Variants in ASDURF observed in about 807,000 individuals in gnomAD.
ASDURF encodes ASNSD1 upstream open reading frame.
In ASDURF, 3 loss-of-function variants were observed where a neutral mutation model predicts 3.3. The ratio of observed to expected loss-of-function variants is 0.92; its 90% CI spans 0.42 to 2.37. The LOEUF is 2.37. Ranked by LOEUF, ASDURF falls within the 30% of genes most tolerant of loss-of-function variation. The pLI, the probability that ASDURF is intolerant of heterozygous loss-of-function variation, is 0.05. For missense variants in ASDURF, 23 were observed against 25.4 expected (o/e 0.90, Z 0.21); for synonymous variants, 11 against 8.3 (o/e 1.32, Z -0.55).
intron 2 of ASDURF, among the ~76,000 whole-genome samples, chr2:189,664,579 A>T: frequency 6.6e-6 from 1 of 152,186 alleles, no homozygotes; most frequent in East Asian, 1.9e-4. Context: ...TCACTTATGG[A>T]ATATTAGAAG....
intron 1 of ASDURF, 107 bp from the exon 2 acceptor site, chr2:189,663,794 T>A: frequency 8.7e-6 from 3 of 346,240 alleles, no homozygotes; most frequent in Non-Finnish European, 1.6e-5. Context: ...AACCAGTACA[T>A]CATAGCCCCT....
intron 3 of ASDURF, among the ~76,000 whole-genome samples, 165 bp downstream of exon 3, chr2:189,665,616 A>ATATATATATG (rs2032778586): frequency 9.3e-6 from 1 of 107,000 alleles, no homozygotes; most frequent in South Asian, 2.8e-4. Context: ...ATATATATAT[A>ATATATATATG]TATATATATA....
chr2:189,665,238 T>C (rs886505286), intron 2 of ASDURF, 138 bp from the exon 3 acceptor site: 1 of 368,876 alleles, frequency 2.7e-6, no homozygotes, highest in Non-Finnish European at 4.8e-6. Flanking sequence ...GTGACTTTTA[T>C]TTGTCTTTTT....
intron 1 of ASDURF, among the ~76,000 whole-genome samples, chr2:189,663,411 G>A (rs1056850782): frequency 4.0e-5 from 6 of 151,752 alleles, no homozygotes; most frequent in South Asian, 2.1e-4. Context: ...GTGCCACTAC[G>A]CTTGGCTAAT....
At chr2:189,662,678 A>C (rs1208857577) in intron 1 of ASDURF, among the ~76,000 whole-genome samples, 3 of 152,178 alleles carry the variant, frequency 2.0e-5, no homozygotes, top group Non-Finnish European at 4.4e-5. Flanking sequence ...CACAAATATG[A>C]TAAAAGCTGC....
In ASDURF at chr2:189,664,778, A is replaced by C. The variant is rs148960059; in HGVS notation, c.145-598A>C. Reference sequence around the variant, plus strand: ...AAAAAAAAGAAGTTGAGGCAGAATTAATACAGACTTTCTCTAGAGGGCAAA... The same window carrying C: ...AAAAAAAAGAAGTTGAGGCAGAATTCATACAGACTTTCTCTAGAGGGCAAA... On this transcript the variant is annotated intron_variant, in intron 2 of 3. Transcript: ENST00000607829. Among the ~76,000 whole-genome samples, 7 of 151,982 alleles carry C rather than the reference A, an allele frequency of 4.6e-5. No individual in the cohort carries two copies. In the East Asian group the frequency reaches 1.4e-3, roughly 29 times the overall value.
At chr2:189,662,617 G>A (rs2032693263) in intron 1 of ASDURF, among the ~76,000 whole-genome samples, 1 of 152,164 alleles carries the variant, frequency 6.6e-6, no homozygotes, top group Admixed American at 6.5e-5. Context: ...ACCATAGCAA[G>A]CCACTTACGC....
chr2:189,666,146 G>T lies in ASDURF; in HGVS notation c.*35G>T, dbSNP rs546441433. ...TTTCACATAACAATGTGTGGCATTTGTTGTTCTGTAAACTTTTCTGCTGAG... is the reference window on the plus strand; with the variant it reads ...TTTCACATAACAATGTGTGGCATTTTTTGTTCTGTAAACTTTTCTGCTGAG... On this transcript the variant is annotated 3_prime_UTR_variant, in exon 4 of 4. Transcript: ENST00000607829. 1 of 1,570,110 alleles carries T rather than the reference G, an allele frequency of 6.4e-7. No homozygotes were observed. The highest frequency in any genetic ancestry group is 1.2e-5 in the South Asian group (1 of 83,210).
At chr2:189,665,632 A>ATGTATATATG (rs1232367448) in intron 3 of ASDURF, among the ~76,000 whole-genome samples, 181 bp downstream of exon 3, 1 of 90,010 alleles carries the variant, frequency 1.1e-5, no homozygotes, top group African/African-American at 3.9e-5. Context: ...ATATATATAT[A>ATGTATATATG]TATATATATA....
chr2:189,664,770 G>A (rs1016181937), intron 2 of ASDURF, among the ~76,000 whole-genome samples: 13 of 151,956 alleles, frequency 8.6e-5, no homozygotes, highest in African/African-American at 2.9e-4. Flanking sequence ...AGAAGTTGAG[G>A]CAGAATTAAT....
chr2:189,663,852 G>T, intron 1 of ASDURF, 49 bp from the exon 2 acceptor site: 2 of 377,338 alleles, frequency 5.3e-6, no homozygotes, highest in East Asian at 3.7e-5. Context: ...TTTTCATTGA[G>T]CATACTTTGA....
intron 3 of ASDURF, among the ~76,000 whole-genome samples, 173 bp downstream of exon 3, chr2:189,665,624 A>ATATATATG (rs2032780429): frequency 8.2e-6 from 1 of 121,780 alleles, no homozygotes; most frequent in African/African-American, 3.3e-5. Flanking sequence ...ATATATATAT[A>ATATATATG]TATATATATA....
Position 189,661,523 on chromosome 2 carries a change from G to GTC in ASDURF, c.3_4insTC (p.Pro2SerfsTer14). The GTC allele has an allele frequency of 1.3e-5, 5 of 399,252 alleles. No homozygotes were observed. The highest frequency in any genetic ancestry group is 2.2e-5 in the Non-Finnish European group (5 of 226,222). 24.7% of individuals were successfully genotyped at this position (399,252 alleles called of 1,614,324 possible). A position where few individuals can be genotyped will look rare whatever the true frequency, so the allele number is the denominator to read the frequency against. On this transcript the variant is annotated frameshift_variant, in exon 1 of 4. Coordinates refer to ENST00000607829, the MANE Select transcript of ASDURF (RefSeq NM_001353493.2). LOFTEE classifies it high-confidence loss of function. ...CGCGTGTCTTGCGCTCGGTGGAAAT[G>GTC]CCCAGCCGAGGGACGCGACCAGAGG...
At chr2:189,665,921 A>G in intron 3 of ASDURF, 120 bp from the exon 4 acceptor site, 1 of 474,772 alleles carries the variant, frequency 2.1e-6, no homozygotes, top group Admixed American at 3.8e-5. Context: ...TGGTACTGGC[A>G]CAGTGTGTGT....
chr2:189,664,977 T>C (rs1035744158), intron 2 of ASDURF, among the ~76,000 whole-genome samples: 15 of 152,230 alleles, frequency 9.9e-5, no homozygotes, highest in African/African-American at 3.6e-4. Context: ...AAATGTCTAG[T>C]ATTTGAAGCT....
At chr2:189,665,923 A>G (rs1242770973) in intron 3 of ASDURF, 118 bp from the exon 4 acceptor site, 1 of 475,998 alleles carries the variant, frequency 2.1e-6, no homozygotes, top group Non-Finnish European at 3.7e-6. Context: ...GTACTGGCAC[A>G]GTGTGTGTGT....
At chr2:189,665,011 A>G (rs1016214953) in intron 2 of ASDURF, among the ~76,000 whole-genome samples, 8 of 152,220 alleles carry the variant, frequency 5.3e-5, no homozygotes, top group South Asian at 2.1e-4. Flanking sequence ...GTAATATATT[A>G]TATCTATATA....
Position 189,666,294 on chromosome 2 carries a change from A to G in ASDURF, c.*183A>G, listed in dbSNP as rs1230379353. 2 of 1,613,976 alleles carry G rather than the reference A, an allele frequency of 1.2e-6. No homozygotes were observed. Among genetic ancestry groups the G allele is most frequent in the East Asian group, 2.2e-5 (1 of 44,896 alleles). On this transcript the variant is annotated 3_prime_UTR_variant, in exon 4 of 4. Transcript: ENST00000607829. ...AGTGTTTATTTTCTGCTCACGTCCT[A>G]CACTTGAGGGGTGTTTTGACTACCC...
In ASDURF at chr2:189,666,309, T is replaced by G. The variant is rs144877511; in HGVS notation, c.*198T>G. The stretch of plus-strand genomic sequence containing the variant: ...CTCACGTCCTACACTTGAGGGGTGT[T>G]TTGACTACCCAGCCTGTGGAAGATG... On this transcript the variant is annotated 3_prime_UTR_variant, in exon 4 of 4. Coordinates refer to ENST00000607829, the MANE Select transcript of ASDURF (RefSeq NM_001353493.2). 541 of 1,614,012 alleles carry G rather than the reference T, an allele frequency of 3.4e-4. 5 individuals carry two copies. In the African/African-American group the frequency reaches 6.5e-3, roughly 19 times the overall value.
Sources: allele counts gnomAD v4.1 joint callset (sites outside exome capture counted in the v4.1 genomes callset), GRCh38; gene constraint gnomAD v4.1.1; transcripts MANE v1.5; gene names NCBI Gene and HGNC (gene_info 2026-07-23, HGNC 2026-07-21).